The following HIP1 variants were observed in gnomAD, a reference collection of about 807,000 sequenced individuals.
HIP1 encodes huntingtin-interacting protein 1.
HIP1 carries 65 observed loss-of-function variants against 147.6 expected under a neutral mutation model. The observed-to-expected ratio is 0.44, with a 90% CI of 0.36 to 0.54. The LOEUF (loss-of-function observed/expected upper bound fraction) is 0.54, where lower values mean the gene tolerates loss of function less well. Ranked by LOEUF, HIP1 falls within the 20% of genes least tolerant of loss-of-function variation. HIP1 has a pLI of 0.00. For missense variants in HIP1, 1,061 were observed against 1,299.6 expected (o/e 0.82, Z 2.82); for synonymous variants, 479 against 504.0 (o/e 0.95, Z 0.67).
chr7:75,710,784 C>A (rs1554520064), intron 1 of HIP1, among the ~76,000 whole-genome samples: 1 of 151,894 alleles, frequency 6.6e-6, no homozygotes, highest in East Asian at 1.9e-4. Context: ...TTAATTAATG[C>A]CTTTTTAAGA....
chr7:75,735,913 T>C (rs1802005272), intron 1 of HIP1, among the ~76,000 whole-genome samples: 1 of 151,888 alleles, frequency 6.6e-6, no homozygotes, highest in African/African-American at 2.4e-5. Flanking sequence ...GTTCTTTTTC[T>C]TTACTCTCCT....
intron 1 of HIP1, among the ~76,000 whole-genome samples, chr7:75,632,915 G>A (rs1405779100): frequency 3.3e-5 from 5 of 152,160 alleles, no homozygotes; most frequent in Admixed American, 2.6e-4. Context: ...AACAGAAAAC[G>A]AAACACCGCA....
chr7:75,619,987 C>T (rs1384496985), intron 1 of HIP1, among the ~76,000 whole-genome samples: 1 of 152,224 alleles, frequency 6.6e-6, no homozygotes, highest in Non-Finnish European at 1.5e-5. Context: ...AGATCTCTCT[C>T]TGGTCTTCCC....
chr7:75,685,632 T>G (rs529863938), intron 1 of HIP1, among the ~76,000 whole-genome samples: 1 of 152,338 alleles, frequency 6.6e-6, no homozygotes, highest in African/African-American at 2.4e-5. Context: ...CATTGCAGCC[T>G]CCAACTCCTG....
At position 75,534,957 on chromosome 7, in the gene HIP1, G is replaced by A. The variant is rs1195409610; in HGVS notation, c.*3215C>T. On this transcript the variant is annotated 3_prime_UTR_variant, in exon 31 of 31. Transcript: ENST00000336926. ...CTTGCAGGTTCATTTTTAGCTTTAA[G>A]ATGTGATTCCCGTTTTAATCCAAGG... 4.8e-6 allele frequency: 1 copy of A among 206,966 alleles called. No individual in the cohort carries two copies. The highest frequency in any genetic ancestry group is 9.8e-6 in the Non-Finnish European group (1 of 101,578). 12.8% of individuals were successfully genotyped at this position (206,966 alleles called of 1,614,324 possible).
At position 75,585,422 on chromosome 7, in the gene HIP1, C is replaced by T. The variant is rs190137432; in HGVS notation, c.465+1331G>A. ...AACTCCAGACCTCAGACGATCCGCC[C>T]GCCTTGGCCTCCTGAAATGCTGGGA... On this transcript the variant is annotated intron_variant, in intron 5 of 30. Coordinates refer to ENST00000336926, the MANE Select transcript of HIP1 (RefSeq NM_005338.7). Among the ~76,000 whole-genome samples, 981 of 152,158 alleles carry T rather than the reference C, an allele frequency of 6.4e-3. 17 individuals carry two copies. Among genetic ancestry groups the T allele is most frequent in the African/African-American group, 0.022 (907 of 41,450 alleles).
chr7:75,719,137 G>C (rs1801414135), intron 1 of HIP1, among the ~76,000 whole-genome samples: 1 of 152,030 alleles, frequency 6.6e-6, no homozygotes, highest in Non-Finnish European at 1.5e-5. Flanking sequence ...GGGCAACATA[G>C]AGAGATCCTG....
At chr7:75,577,329 C>T (rs1795878812) in intron 7 of HIP1, among the ~76,000 whole-genome samples, 2 of 72,870 alleles carry the variant, frequency 2.7e-5, no homozygotes, top group African/African-American at 1.5e-4. Context: ...GAGATCCCAT[C>T]TCCAAAAAAA....
intron 1 of HIP1, among the ~76,000 whole-genome samples, chr7:75,709,498 A>C (rs530025786): frequency 1.3e-5 from 2 of 152,294 alleles, no homozygotes; most frequent in African/African-American, 4.8e-5. Context: ...CATGTTTAAA[A>C]ATGCAACTGA....
At position 75,535,302 on chromosome 7, in the gene HIP1, C is replaced by A; in HGVS notation, c.*2870G>T. 1 of 198,614 alleles carries A rather than the reference C, an allele frequency of 5.0e-6. No homozygotes were observed. Among genetic ancestry groups the A allele is most frequent in the Non-Finnish European group, 1.0e-5 (1 of 95,942 alleles). 12.3% of individuals were successfully genotyped at this position (198,614 alleles called of 1,614,324 possible). On this transcript the variant is annotated 3_prime_UTR_variant, in exon 31 of 31. Transcript: ENST00000336926. The stretch of plus-strand genomic sequence containing the variant: ...TCGCTCTGTCACTCAGGCTGGAGTG[C>A]AGTGGGAAATCATGGCTCATTGCAG...
intron 1 of HIP1, among the ~76,000 whole-genome samples, chr7:75,719,270 C>A (rs182142938): frequency 6.6e-6 from 1 of 151,910 alleles, no homozygotes; most frequent in Admixed American, 6.6e-5. Context: ...TTTGGGAGGC[C>A]AAGGCGGGCG....
At chr7:75,713,319 T>G (rs1554520256) in intron 1 of HIP1, among the ~76,000 whole-genome samples, 1 of 152,110 alleles carries the variant, frequency 6.6e-6, no homozygotes, top group Non-Finnish European at 1.5e-5. Flanking sequence ...ATGACATAGT[T>G]CCCAGGGTCT....
At position 75,704,510 on chromosome 7, in the gene HIP1, CTGGGATT is replaced by C. The variant is rs1800931547; in HGVS notation, c.120+34284_120+34290del. Among the ~76,000 whole-genome samples the C allele has an allele frequency of 5.9e-5, 9 of 152,200 alleles. No homozygotes were observed. In the South Asian group the frequency reaches 1.9e-3, roughly 32 times the overall value. ...CCGCCTGCCTTGGCCTCCCAAAGTG[CTGGGATT>C]ACAGGCATGAGCCACTGCACCCAGC... On this transcript the variant is annotated intron_variant, in intron 1 of 30. Coordinates refer to ENST00000336926, the MANE Select transcript of HIP1 (RefSeq NM_005338.7).
intron 1 of HIP1, among the ~76,000 whole-genome samples, chr7:75,691,522 G>T (rs532242971): frequency 6.6e-6 from 1 of 151,646 alleles, no homozygotes; most frequent in East Asian, 1.9e-4. Flanking sequence ...AATAGGGCCG[G>T]GCGCGGTGGC....
chr7:75,556,040 G>T lies in HIP1; in HGVS notation c.1813C>A (p.Leu605Met). 6.2e-7 allele frequency: 1 copy of T among 1,614,174 alleles called. No homozygotes were observed. Among genetic ancestry groups the T allele is most frequent in the East Asian group, 2.2e-5 (1 of 44,882 alleles). Residue 605 changes from leucine to methionine, a missense_variant, in exon 18 of 31, where the codon CTG becomes ATG. Leu to Met is a conservative substitution (Grantham distance 15). Transcript: ENST00000336926. Reference protein sequence around the residue: ...RKELQDTQLKLASTEESMCQL... With the variant: ...RKELQDTQLKMASTEESMCQL... ...CCGTGACTTGCCTCTGTGCTGGCCA[G>T]TTTGAGCTGAGTGTCCTGCAGTTCT...
intron 1 of HIP1, among the ~76,000 whole-genome samples, chr7:75,616,515 C>T (rs1239782002): frequency 1.3e-5 from 2 of 152,084 alleles, no homozygotes; most frequent in African/African-American, 4.8e-5. Context: ...TCTAGCGATC[C>T]TCCCACCTTA....
intron 7 of HIP1, among the ~76,000 whole-genome samples, chr7:75,580,214 C>T (rs1032949643): frequency 6.6e-6 from 1 of 152,218 alleles, no homozygotes; most frequent in East Asian, 1.9e-4. Context: ...AACTCAACAA[C>T]AGACATGAGC....
chr7:75,566,828 A>G (rs1478862930), intron 9 of HIP1, among the ~76,000 whole-genome samples: 1 of 151,354 alleles, frequency 6.6e-6, no homozygotes, highest in Admixed American at 6.6e-5. Flanking sequence ...GAGATAGAAA[A>G]GAATGGGGAG....
chr7:75,650,383 A>G (rs146387440), intron 1 of HIP1, among the ~76,000 whole-genome samples: 1 of 151,248 alleles, frequency 6.6e-6, no homozygotes, highest in Non-Finnish European at 1.5e-5. Flanking sequence ...CCAGCCTTGT[A>G]CTGGGGAGAG....
Sources: gnomAD v4.1 joint callset for allele counts (sites outside exome capture counted in the v4.1 genomes callset) on GRCh38, gnomAD v4.1.1 for gene constraint, MANE v1.5 for transcripts, NCBI Gene and HGNC (gene_info 2026-07-23, HGNC 2026-07-21) for gene names.